MGAT4C: variants seen among roughly 807,000 people sequenced by gnomAD.
MGAT4C encodes the protein MGAT4 family member C.
Under a neutral mutation model 40.1 loss-of-function variants are expected in MGAT4C, and 19 were observed. That is an observed-to-expected ratio of 0.47 (90% CI 0.33 to 0.70). The LOEUF (loss-of-function observed/expected upper bound fraction) is 0.70. Among genes scored for constraint, MGAT4C ranks in the 30% least tolerant of loss-of-function variants. The pLI is 0.02. For missense variants in MGAT4C, 491 were observed against 563.2 expected, an observed-to-expected ratio of 0.87 and a Z score of 1.30; for synonymous variants, 181 against 187.1, an observed-to-expected ratio of 0.97 and a Z score of 0.27.
intron 3 of MGAT4C, among the ~76,000 whole-genome samples, chr12:86,338,262 C>T (rs972800955): frequency 6.6e-6 from 1 of 152,090 alleles, no homozygotes; most frequent in Admixed American, 6.6e-5. Flanking sequence ...GCTGTCTCTT[C>T]CCGCTGAGTC....
At chr12:86,826,897 AT>A (rs1304499973) in intron 1 of MGAT4C, among the ~76,000 whole-genome samples, 1 of 151,570 alleles carries the variant, frequency 6.6e-6, no homozygotes, top group East Asian at 1.9e-4. Flanking sequence ...GAAAAATAAA[AT>A]TTTTTTTGTT....
intron 1 of MGAT4C, among the ~76,000 whole-genome samples, chr12:86,815,952 T>G (rs968749226): frequency 1.3e-5 from 2 of 151,832 alleles, no homozygotes. Flanking sequence ...ACTAAAGAAC[T>G]TACTCTTGTA....
intron 1 of MGAT4C, among the ~76,000 whole-genome samples, chr12:86,826,239 C>T (rs1303650585): frequency 2.0e-5 from 3 of 151,366 alleles, no homozygotes; most frequent in Non-Finnish European, 3.0e-5. Flanking sequence ...TTATGTGACT[C>T]CCCAGTATAG....
At chr12:86,199,109 TTGCTGCTACTGCTACTGCTGCTGC>T (rs1949934490) in intron 1 of MGAT4C, among the ~76,000 whole-genome samples, 1 of 152,206 alleles carries the variant, frequency 6.6e-6, no homozygotes. Flanking sequence ...TGATAGACTG[TTGCTGCTACTGCTACTGCTGCTGC>T]TGCTGCTGCA....
At chr12:86,447,209 T>C (rs912378987) in intron 2 of MGAT4C, among the ~76,000 whole-genome samples, 3 of 152,140 alleles carry the variant, frequency 2.0e-5, no homozygotes, top group African/African-American at 7.2e-5. Context: ...CACCGCAACC[T>C]TTGCCTCCCA....
At chr12:86,309,945 T>C (rs1954027779) in intron 4 of MGAT4C, among the ~76,000 whole-genome samples, 1 of 152,014 alleles carries the variant, frequency 6.6e-6, no homozygotes. Flanking sequence ...ATAATCTGTA[T>C]TGGTAGGAGA....
At chr12:86,202,267 T>C (rs1035322614) in intron 1 of MGAT4C, among the ~76,000 whole-genome samples, 1 of 152,060 alleles carries the variant, frequency 6.6e-6, no homozygotes, top group African/African-American at 2.4e-5. Flanking sequence ...AAATACTTCA[T>C]CAGATAGAGG....
intron 1 of MGAT4C, among the ~76,000 whole-genome samples, chr12:86,827,997 A>AT (rs572401020): frequency 1.5e-3 from 220 of 151,284 alleles, no homozygotes; most frequent in Middle Eastern, 7.2e-3. Context: ...ATATATACCC[A>AT]TTTTTTTCAT....
chr12:86,034,832 T>C (rs1040413278), intron 2 of MGAT4C, among the ~76,000 whole-genome samples: 1 of 149,846 alleles, frequency 6.7e-6, no homozygotes, highest in Non-Finnish European at 1.5e-5. Flanking sequence ...ATGCAGTGTA[T>C]GGTTTTCTGT....
rs1451872828 is a variant in MGAT4C at position 86,763,685 on chromosome 12, G to A, written c.-261-36444C>T. On this transcript the variant is annotated intron_variant, in intron 1 of 7. Transcript: ENST00000548651. ...TGGATTAATTTTTTATTGGTATAGG[G>A]ACAAACATACACAACTGAACTCAAT... Among the ~76,000 whole-genome samples, 7 of 152,102 alleles carry A rather than the reference G, an allele frequency of 4.6e-5. No homozygotes were observed. The South Asian group carries it at 8.3e-4, about 18-fold the overall frequency.
chr12:86,828,056 T>C (rs986872573), intron 1 of MGAT4C, among the ~76,000 whole-genome samples: 2 of 151,160 alleles, frequency 1.3e-5, no homozygotes, highest in African/African-American at 4.8e-5. Context: ...AACTTGAGCT[T>C]TCACTTAGTA....
At chr12:86,663,893 G>C (rs1297548444) in intron 2 of MGAT4C, among the ~76,000 whole-genome samples, 1 of 152,134 alleles carries the variant, frequency 6.6e-6, no homozygotes, top group Non-Finnish European at 1.5e-5. Context: ...AGAATTCTTG[G>C]ATTTCTGCCA....
At chr12:86,646,005 T>C (rs1963532773) in intron 2 of MGAT4C, among the ~76,000 whole-genome samples, 1 of 151,880 alleles carries the variant, frequency 6.6e-6, no homozygotes, top group Admixed American at 6.6e-5. Context: ...AAAAATATTT[T>C]TTCAAAGTCT....
chr12:86,745,562 G>T (rs1951139498), intron 1 of MGAT4C, among the ~76,000 whole-genome samples: 1 of 151,526 alleles, frequency 6.6e-6, no homozygotes, highest in African/African-American at 2.4e-5. Context: ...AGTAACCCTT[G>T]GAAATAGAGG....
At chr12:86,419,766 T>C (rs1034982412) in intron 3 of MGAT4C, among the ~76,000 whole-genome samples, 3 of 152,138 alleles carry the variant, frequency 2.0e-5, no homozygotes, top group Non-Finnish European at 2.9e-5. Context: ...AAGGACTCAA[T>C]GTGTTTGTGA....
At chr12:86,767,893 A>C (rs1951545314) in intron 1 of MGAT4C, among the ~76,000 whole-genome samples, 1 of 152,156 alleles carries the variant, frequency 6.6e-6, no homozygotes, top group African/African-American at 2.4e-5. Flanking sequence ...ATCTATGACA[A>C]ACCCACAGCC....
intron 1 of MGAT4C, among the ~76,000 whole-genome samples, chr12:86,808,249 A>G (rs549444775): frequency 2.6e-5 from 4 of 152,124 alleles, no homozygotes; most frequent in Admixed American, 1.3e-4. Context: ...AGCAATTGAA[A>G]GGAGAGACTC....
In MGAT4C at chr12:86,129,598, C is replaced by A. The variant is rs1209481807; in HGVS notation, c.-56-79875G>T. 4.7e-4 allele frequency among the ~76,000 whole-genome samples: 5 copies of A among 10,578 alleles called. 1 individual carries two copies. The highest frequency in any genetic ancestry group is 6.1e-4 in the Non-Finnish European group (5 of 8,248). 6.9% of individuals were successfully genotyped at this position (10,578 alleles called of 152,430 possible). A position where few individuals can be genotyped will look rare whatever the true frequency, so the allele number is the denominator to read the frequency against. On this transcript the variant is annotated intron_variant, in intron 1 of 4. Coordinates refer to ENST00000611864, the MANE Select transcript of MGAT4C (RefSeq NM_001351288.2). ...TTTTTGAGACGGAGTCTCGCTCTGT[C>A]GCCCAGGCTGGAGTGCAGTGGCGGG...
rs966375745 is a variant in MGAT4C at position 86,288,031 on chromosome 12, T to A, written c.-57+46034A>T. ...CATCTGTTGTTTCCTGACTTTTTAATGATCACTATTCTAACTGGCATGAGA... is the reference window on the plus strand; with the variant it reads ...CATCTGTTGTTTCCTGACTTTTTAAAGATCACTATTCTAACTGGCATGAGA... On this transcript the variant is annotated intron_variant, in intron 4 of 7. Coordinates refer to the MGAT4C transcript ENST00000548651. Among the ~76,000 whole-genome samples the A allele has an allele frequency of 2.6e-5, 4 of 152,374 alleles. No homozygotes were observed. In the South Asian group the frequency reaches 8.3e-4, roughly 32 times the overall value.
Sources: allele counts gnomAD v4.1 joint callset (sites outside exome capture counted in the v4.1 genomes callset), GRCh38; gene constraint gnomAD v4.1.1; transcripts MANE v1.5; gene names NCBI Gene and HGNC (gene_info 2026-07-23, HGNC 2026-07-21).